MCUB: variants seen among roughly 807,000 people sequenced by gnomAD.
MCUB encodes calcium uniporter regulatory subunit MCUb, mitochondrial.
A neutral mutation model predicts 41.4 loss-of-function variants in MCUB; 46 were observed. The observed-to-expected ratio is 1.11, with a 90% CI of 0.88 to 1.42. The LOEUF is 1.42. Ranked by LOEUF, MCUB falls within the 40% of genes most tolerant of loss-of-function variation. The pLI, the probability that MCUB is intolerant of heterozygous loss-of-function variation, is 0.00. For synonymous variants in MCUB, 148 were observed against 148.2 expected, an observed-to-expected ratio of 1.00 and a Z score of 0.01; for missense variants, 403 against 404.9, an observed-to-expected ratio of 1.00 and a Z score of 0.04.
At chr4:109,651,969 C>T (rs1016670020) in intron 1 of MCUB, among the ~76,000 whole-genome samples, 1 of 152,166 alleles carries the variant, frequency 6.6e-6, no homozygotes, top group African/African-American at 2.4e-5. Flanking sequence ...AGAAACCTTC[C>T]TCGCCACCCT....
chr4:109,633,220 CTT>C (rs1437273300), intron 1 of MCUB, among the ~76,000 whole-genome samples: 2 of 151,942 alleles, frequency 1.3e-5, no homozygotes, highest in African/African-American at 4.8e-5. Flanking sequence ...CAGATGAAGT[CTT>C]TTGTTTTGCG....
At chr4:109,586,725 C>G (rs886302331) in intron 1 of MCUB, among the ~76,000 whole-genome samples, 16 of 152,036 alleles carry the variant, frequency 1.1e-4, no homozygotes, top group African/African-American at 2.9e-4. Context: ...AGCTGCAGGT[C>G]TGTTGGAGTT....
chr4:109,591,931 C>T (rs967863095), intron 1 of MCUB, among the ~76,000 whole-genome samples: 2 of 152,046 alleles, frequency 1.3e-5, no homozygotes, highest in South Asian at 2.1e-4. Context: ...AACTCCTGAC[C>T]TCAGGTGATC....
intron 1 of MCUB, among the ~76,000 whole-genome samples, chr4:109,593,312 C>A (rs917771413): frequency 6.6e-6 from 1 of 152,150 alleles, no homozygotes; most frequent in African/African-American, 2.4e-5. Context: ...ACAGTATAGT[C>A]CAGTCTTTGG....
At chr4:109,586,333 A>G (rs539378335) in intron 1 of MCUB, among the ~76,000 whole-genome samples, 9 of 151,988 alleles carry the variant, frequency 5.9e-5, no homozygotes, top group Admixed American at 5.2e-4. Context: ...TACACTGTTT[A>G]TTCTAGTTGG....
chr4:109,637,110 C>T (rs1273121063), intron 1 of MCUB, among the ~76,000 whole-genome samples: 1 of 152,128 alleles, frequency 6.6e-6, no homozygotes, highest in Non-Finnish European at 1.5e-5. Context: ...AAAGGGCAGT[C>T]AGAAGGCAGG....
intron 1 of MCUB, among the ~76,000 whole-genome samples, chr4:109,595,786 G>A: frequency 6.6e-6 from 1 of 152,296 alleles, no homozygotes; most frequent in Admixed American, 6.5e-5. Context: ...GGAGATTGTA[G>A]GGTCATCTTG....
chr4:109,620,899 CT>C (rs11408621), intron 1 of MCUB, among the ~76,000 whole-genome samples: 169 of 146,174 alleles, frequency 1.2e-3, no homozygotes, highest in African/African-American at 3.4e-3. Context: ...CATTCTTCTT[CT>C]TTTTTTTTTT....
intron 1 of MCUB, among the ~76,000 whole-genome samples, chr4:109,565,777 TAGAG>T (rs1726759688): frequency 6.6e-6 from 1 of 151,826 alleles, no homozygotes; most frequent in South Asian, 2.1e-4. Context: ...AATGAAGCAT[TAGAG>T]AGAGACTTAC....
chr4:109,599,290 CTTTG>C (rs1171142310), intron 1 of MCUB, among the ~76,000 whole-genome samples: 7 of 152,142 alleles, frequency 4.6e-5, no homozygotes, highest in South Asian at 2.1e-4. Flanking sequence ...CCCCTCCCAG[CTTTG>C]TTTGATCCTC....
At chr4:109,635,130 A>G (rs1374817820) in intron 1 of MCUB, among the ~76,000 whole-genome samples, 1 of 152,112 alleles carries the variant, frequency 6.6e-6, no homozygotes, top group Non-Finnish European at 1.5e-5. Flanking sequence ...AAGGACATGA[A>G]CTCATCCTTT....
intron 1 of MCUB, among the ~76,000 whole-genome samples, chr4:109,589,868 C>T (rs907048430): frequency 6.6e-6 from 1 of 152,230 alleles, no homozygotes; most frequent in Non-Finnish European, 1.5e-5. Flanking sequence ...CAGGAATCCT[C>T]ACACTTCTTT....
At chr4:109,616,630 C>G (rs1215050296) in intron 1 of MCUB, among the ~76,000 whole-genome samples, 1 of 152,140 alleles carries the variant, frequency 6.6e-6, no homozygotes, top group African/African-American at 2.4e-5. Flanking sequence ...ATACGTAGGT[C>G]TTTCTTTTAA....
chr4:109,682,763 A>G (rs1033314377), intron 5 of MCUB, 21 bp downstream of exon 5: 1 of 1,586,184 alleles, frequency 6.3e-7, no homozygotes, highest in African/African-American at 1.4e-5. Flanking sequence ...ATCACGGTTG[A>G]GTATATTTGA....
At chr4:109,669,608 G>A (rs1243163345) in intron 4 of MCUB, among the ~76,000 whole-genome samples, 2 of 150,846 alleles carry the variant, frequency 1.3e-5, no homozygotes, top group Non-Finnish European at 3.0e-5. Flanking sequence ...TAATTCTTCT[G>A]TTCTTTCCTT....
chr4:109,628,050 G>A (rs1179078547), intron 1 of MCUB, among the ~76,000 whole-genome samples: 2 of 152,156 alleles, frequency 1.3e-5, no homozygotes, highest in African/African-American at 4.8e-5. Context: ...TAGAACAGGA[G>A]GGGTATAGGA....
At chr4:109,677,373 G>A (rs926330141) in intron 4 of MCUB, among the ~76,000 whole-genome samples, 1 of 152,184 alleles carries the variant, frequency 6.6e-6, no homozygotes, top group African/African-American at 2.4e-5. Flanking sequence ...TGATTTAGAT[G>A]AGACTTTGGA....
At chr4:109,675,121 A>C (rs1391160834) in intron 4 of MCUB, among the ~76,000 whole-genome samples, 3 of 152,254 alleles carry the variant, frequency 2.0e-5, no homozygotes. Flanking sequence ...GAAAAGAATA[A>C]TTCTCTCTCA....
intron 1 of MCUB, among the ~76,000 whole-genome samples, chr4:109,632,469 C>T (rs920064210): frequency 3.3e-5 from 5 of 152,232 alleles, no homozygotes; most frequent in African/African-American, 1.2e-4. Context: ...TTATTGCTCT[C>T]ACAGTTTATG....
Sources: allele counts gnomAD v4.1 joint callset (sites outside exome capture counted in the v4.1 genomes callset), GRCh38; gene constraint gnomAD v4.1.1; transcripts MANE v1.5; gene names NCBI Gene and HGNC (gene_info 2026-07-23, HGNC 2026-07-21).